GNPDA2: variants seen among roughly 807,000 people sequenced by gnomAD.
GNPDA2 encodes the protein glcN6P deaminase 2.
Under a neutral mutation model 27.0 loss-of-function variants are expected in GNPDA2, and 24 were observed. The ratio of observed to expected loss-of-function variants is 0.89; its 90% CI spans 0.64 to 1.25. The LOEUF is 1.25. GNPDA2 is among the 50% of genes most tolerant of loss of function. The pLI is 0.00. For synonymous variants in GNPDA2, 94 were observed against 108.4 expected, an observed-to-expected ratio of 0.87 and a Z score of 0.83; for missense variants, 286 against 335.1, an observed-to-expected ratio of 0.85 and a Z score of 1.14.
At position 44,702,420 on chromosome 4, in the gene GNPDA2, T is replaced by C; in HGVS notation, c.*661A>G. On this transcript the variant is annotated 3_prime_UTR_variant, in exon 7 of 7. Coordinates refer to ENST00000295448, the MANE Select transcript of GNPDA2 (RefSeq NM_138335.3). ...TATTAGGGACATGAACCCAAGTCGT[T>C]AAATAAAAATAAGATATTTGTAAAA... is the stretch of plus-strand genomic sequence containing the variant. 1 of 975,634 alleles carries C rather than the reference T, an allele frequency of 1.0e-6. No homozygotes were observed. The highest frequency in any genetic ancestry group is 1.2e-6 in the Non-Finnish European group (1 of 820,798). The allele number at this position is 975,634 out of a possible 1,614,324, so 60.4% of individuals were successfully genotyped here.
intron 4 of GNPDA2, among the ~76,000 whole-genome samples, chr4:44,712,438 C>A (rs12643262): frequency 0.077 from 11,731 of 152,038 alleles, 534 homozygotes; most frequent in Admixed American, 0.13. Context: ...CAAAGTACAA[C>A]AATTTATGAA....
Position 44,702,044 on chromosome 4 carries a change from C to T in GNPDA2, c.*1037G>A, listed in dbSNP as rs1039057227. ...CAAAGACATCTTTTAACCTAACTCT[C>T]CTAATGCATGATGGTAACAAACCCA... On this transcript the variant is annotated 3_prime_UTR_variant, in exon 7 of 7. Transcript: ENST00000295448. 14 of 985,664 alleles carry T rather than the reference C, an allele frequency of 1.4e-5. No homozygotes were observed. Among genetic ancestry groups the T allele is most frequent in the Middle Eastern group, 5.2e-4 (1 of 1,914 alleles). The allele number at this position is 985,664 out of a possible 1,614,324, so 61.1% of individuals were successfully genotyped here. A position where few individuals can be genotyped will look rare whatever the true frequency, so the allele number is the denominator to read the frequency against.
At position 44,718,324 on chromosome 4, in the gene GNPDA2, T is replaced by A; in HGVS notation, c.211A>T (p.Met71Leu). The change falls in exon 3 of 7, where the codon ATG becomes TTG. Residue 71 changes from methionine (M) to leucine (L), a missense_variant. By Grantham distance (15) the Met-to-Leu change is conservative. Transcript: ENST00000295448. ...LSFKYVKTFN[M>L]DEYVGLPRNH... ...TATAGCTTACCTACATATTCATCCATATTAAAGGTCTTCACATATTTAAAA... is the reference window on the plus strand; with the variant it reads ...TATAGCTTACCTACATATTCATCCAAATTAAAGGTCTTCACATATTTAAAA... The A allele has an allele frequency of 8.0e-7, 1 of 1,251,240 alleles. No homozygotes were observed. The allele number at this position is 1,251,240 out of a possible 1,614,324, so 77.5% of individuals were successfully genotyped here. A position where few individuals can be genotyped will look rare whatever the true frequency, so the allele number is the denominator to read the frequency against.
At chr4:44,726,118 C>T (rs1200518682) in intron 1 of GNPDA2, among the ~76,000 whole-genome samples, 1 of 152,172 alleles carries the variant, frequency 6.6e-6, no homozygotes, top group Non-Finnish European at 1.5e-5. Context: ...GCTGCAGATT[C>T]CCCTCAGCTG....
At chr4:44,718,022 T>C (rs1403210379) in intron 3 of GNPDA2, among the ~76,000 whole-genome samples, 1 of 151,902 alleles carries the variant, frequency 6.6e-6, no homozygotes, top group Non-Finnish European at 1.5e-5. Context: ...GTGAGTAGAC[T>C]GGCTTAAAGT....
At chr4:44,721,817 A>C (rs1717685792) in intron 2 of GNPDA2, among the ~76,000 whole-genome samples, 1 of 152,128 alleles carries the variant, frequency 6.6e-6, no homozygotes, top group Admixed American at 6.6e-5. Context: ...AAAAATGTAC[A>C]AAAAATATGA....
intron 4 of GNPDA2, 61 bp downstream of exon 4, chr4:44,717,052 A>C (rs1202941120): frequency 3.3e-6 from 4 of 1,219,588 alleles, no homozygotes; most frequent in Non-Finnish European, 4.7e-6. Flanking sequence ...TTATTTTTTA[A>C]ATTTAAAAAT....
At chr4:44,719,828 T>C (rs1023396080) in intron 2 of GNPDA2, among the ~76,000 whole-genome samples, 1 of 152,150 alleles carries the variant, frequency 6.6e-6, no homozygotes, top group Non-Finnish European at 1.5e-5. Flanking sequence ...TTAATTTTTA[T>C]ATTTGCTTTG....
chr4:44,726,300 G>T (rs1413672349), intron 1 of GNPDA2, among the ~76,000 whole-genome samples, 174 bp downstream of exon 1: 1 of 152,156 alleles, frequency 6.6e-6, no homozygotes, highest in East Asian at 1.9e-4. Context: ...AGGTCCGCGA[G>T]TGGCAATACG....
chr4:44,717,371 T>C, intron 3 of GNPDA2, 76 bp from the exon 4 acceptor site: 1 of 785,866 alleles, frequency 1.3e-6, no homozygotes, highest in Non-Finnish European at 1.9e-6. Flanking sequence ...AAGTCATAAG[T>C]GCTATTTAAT....
At chr4:44,710,171 T>A (rs1716885608) in intron 5 of GNPDA2, among the ~76,000 whole-genome samples, 3 of 152,150 alleles carry the variant, frequency 2.0e-5, no homozygotes, top group African/African-American at 7.2e-5. Context: ...ATACCTATGA[T>A]TTCTAGGTTT....
intron 1 of GNPDA2, among the ~76,000 whole-genome samples, chr4:44,724,889 A>C (rs953803033): frequency 6.6e-6 from 1 of 152,238 alleles, no homozygotes; most frequent in Non-Finnish European, 1.5e-5. Flanking sequence ...CTCAGCCTCC[A>C]CTTAAATATA....
intron 5 of GNPDA2, 21 bp downstream of exon 5, chr4:44,710,932 C>T (rs775500121): frequency 2.0e-6 from 3 of 1,529,124 alleles, no homozygotes; most frequent in South Asian, 2.6e-5. Flanking sequence ...AGAAAGACAG[C>T]AAAGAATATT....
intron 4 of GNPDA2, among the ~76,000 whole-genome samples, chr4:44,715,628 G>C (rs1717238753): frequency 6.6e-6 from 1 of 151,950 alleles, no homozygotes; most frequent in Non-Finnish European, 1.5e-5. Flanking sequence ...ATATTGGAAG[G>C]TACAAATGGT....
chr4:44,718,955 A>T (rs544172361), intron 2 of GNPDA2, among the ~76,000 whole-genome samples: 1 of 152,100 alleles, frequency 6.6e-6, no homozygotes, highest in Non-Finnish European at 1.5e-5. Context: ...AGCATGCATC[A>T]GCTAAAATGT....
intron 4 of GNPDA2, among the ~76,000 whole-genome samples, chr4:44,712,172 T>C (rs1285604425): frequency 6.6e-6 from 1 of 152,146 alleles, no homozygotes; most frequent in Non-Finnish European, 1.5e-5. Context: ...GAGTTTTATT[T>C]ATAAGTACCC....
At chr4:44,717,345 G>C in intron 3 of GNPDA2, 50 bp from the exon 4 acceptor site, 1 of 1,053,698 alleles carries the variant, frequency 9.5e-7, no homozygotes, top group South Asian at 1.8e-5. Context: ...TAAATCTAAA[G>C]TTTATTTTTC....
chr4:44,708,615 A>G (rs1000237136), intron 5 of GNPDA2, among the ~76,000 whole-genome samples: 1 of 152,092 alleles, frequency 6.6e-6, no homozygotes, highest in African/African-American at 2.4e-5. Flanking sequence ...ATGCAATGAC[A>G]TGTTGCAAAT....
intron 5 of GNPDA2, among the ~76,000 whole-genome samples, chr4:44,710,495 C>A (rs975130997): frequency 2.6e-5 from 4 of 152,124 alleles, no homozygotes; most frequent in Non-Finnish European, 4.4e-5. Context: ...CAGTTGCAGC[C>A]CTAGCTGAGT....
Sources: gnomAD v4.1 joint callset for allele counts (sites outside exome capture counted in the v4.1 genomes callset) on GRCh38, gnomAD v4.1.1 for gene constraint, MANE v1.5 for transcripts, NCBI Gene and HGNC (gene_info 2026-07-23, HGNC 2026-07-21) for gene names.